Variants in EXT1 observed in about 807,000 individuals in gnomAD.
EXT1 encodes exostosin glycosyltransferase 1.
In EXT1, 20 loss-of-function variants were observed where a neutral mutation model predicts 82.5. The ratio of observed to expected loss-of-function variants is 0.24; its 90% CI spans 0.17 to 0.35. EXT1 has a LOEUF of 0.35. EXT1 is among the 10% of genes least tolerant of loss of function. The pLI is 1.00. For synonymous variants in EXT1, 348 were observed against 350.8 expected, an observed-to-expected ratio of 0.99 and a Z score of 0.09; for missense variants, 757 against 936.5, an observed-to-expected ratio of 0.81 and a Z score of 2.50.
intron 1 of EXT1, among the ~76,000 whole-genome samples, chr8:117,857,120 C>T (rs971403636): frequency 2.0e-5 from 3 of 152,190 alleles, no homozygotes; most frequent in Non-Finnish European, 4.4e-5. Flanking sequence ...AGACCTACGG[C>T]TTAGAAAGAA....
At chr8:117,861,488 CTT>C (rs755653091) in intron 1 of EXT1, among the ~76,000 whole-genome samples, 1,435 of 86,744 alleles carry the variant, frequency 0.017, 14 homozygotes, top group African/African-American at 0.055. Flanking sequence ...AAGTTTTTAT[CTT>C]TTTTTTTTTT....
At chr8:118,051,202 T>C (rs1026119400) in intron 1 of EXT1, among the ~76,000 whole-genome samples, 3 of 151,992 alleles carry the variant, frequency 2.0e-5, no homozygotes, top group Admixed American at 6.5e-5. Flanking sequence ...CAGGGCACGG[T>C]GGCATGCCCC....
chr8:117,842,268 T>G (rs1812285249), intron 1 of EXT1, among the ~76,000 whole-genome samples: 2 of 152,232 alleles, frequency 1.3e-5, no homozygotes, highest in African/African-American at 4.8e-5. Context: ...GTTTCTTGGT[T>G]GGCAAAATGG....
intron 1 of EXT1, among the ~76,000 whole-genome samples, chr8:117,913,254 C>T (rs1813686206): frequency 6.6e-6 from 1 of 152,174 alleles, no homozygotes; most frequent in Non-Finnish European, 1.5e-5. Context: ...CAAGAGAACA[C>T]AATGCATGCC....
At chr8:117,964,233 G>A (rs946542955) in intron 1 of EXT1, among the ~76,000 whole-genome samples, 5 of 152,096 alleles carry the variant, frequency 3.3e-5, no homozygotes, top group Non-Finnish European at 5.9e-5. Flanking sequence ...TCTGGAATTA[G>A]TGGAATTCCA....
chr8:117,855,354 T>C (rs1812523251), intron 1 of EXT1, among the ~76,000 whole-genome samples: 1 of 152,224 alleles, frequency 6.6e-6, no homozygotes, highest in South Asian at 2.1e-4. Flanking sequence ...TCAATTCCTG[T>C]CTCTATCACA....
At chr8:117,956,413 A>G (rs1411832636) in intron 1 of EXT1, among the ~76,000 whole-genome samples, 1 of 152,200 alleles carries the variant, frequency 6.6e-6, no homozygotes, top group African/African-American at 2.4e-5. Flanking sequence ...ATTTCAACAT[A>G]GAGGAAAAGG....
intron 1 of EXT1, among the ~76,000 whole-genome samples, chr8:117,958,480 G>C (rs1563613054): frequency 6.6e-6 from 1 of 152,102 alleles, no homozygotes; most frequent in South Asian, 2.1e-4. Flanking sequence ...GGATAATGAA[G>C]AAACATTGAC....
intron 1 of EXT1, among the ~76,000 whole-genome samples, chr8:117,905,885 C>A (rs1360933789): frequency 1.3e-5 from 2 of 152,148 alleles, no homozygotes; most frequent in East Asian, 3.9e-4. Flanking sequence ...TAATCTCGAA[C>A]GGAGTCAGAA....
chr8:118,089,963 G>A (rs1332768229), intron 1 of EXT1, among the ~76,000 whole-genome samples: 1 of 152,192 alleles, frequency 6.6e-6, no homozygotes, highest in Non-Finnish European at 1.5e-5. Context: ...TCAGACTGGA[G>A]GCAAGGCTTT....
At chr8:118,056,106 T>C (rs1816789953) in intron 1 of EXT1, among the ~76,000 whole-genome samples, 1 of 151,658 alleles carries the variant, frequency 6.6e-6, no homozygotes. Context: ...TATCATAATG[T>C]TTTTTAAAAG....
intron 1 of EXT1, among the ~76,000 whole-genome samples, chr8:118,056,476 T>C (rs1050801180): frequency 1.3e-5 from 2 of 152,166 alleles, no homozygotes; most frequent in Non-Finnish European, 2.9e-5. Flanking sequence ...ACATCCCCCC[T>C]ACCCCGGCTT....
intron 1 of EXT1, among the ~76,000 whole-genome samples, chr8:118,060,320 T>C (rs1271054283): frequency 1.3e-5 from 2 of 152,194 alleles, no homozygotes; most frequent in Non-Finnish European, 2.9e-5. Flanking sequence ...GATTTGGACC[T>C]CCGACTTTTT....
Position 117,796,200 on chromosome 8 carries a change from G to A in EXT1, c.*3512C>T, listed in dbSNP as rs748857219. ...ATACTGGAGATCTCAAGAGACCCAA[G>A]GGAACACAAGACACTTCCAGGTCTG... is the stretch of plus-strand genomic sequence containing the variant. On this transcript the variant is annotated 3_prime_UTR_variant, in exon 11 of 11. Transcript: ENST00000378204. The A allele has an allele frequency of 1.3e-5, 2 of 152,076 alleles. No individual in the cohort carries two copies. Among genetic ancestry groups the A allele is most frequent in the Non-Finnish European group, 2.9e-5 (2 of 68,026 alleles). 9.4% of individuals were successfully genotyped at this position (152,076 alleles called of 1,614,324 possible).
intron 1 of EXT1, among the ~76,000 whole-genome samples, chr8:117,976,603 A>G (rs1005954561): frequency 2.0e-5 from 3 of 152,230 alleles, no homozygotes; most frequent in African/African-American, 7.2e-5. Context: ...CATGAGGGGT[A>G]TTATTGGGTG....
intron 1 of EXT1, among the ~76,000 whole-genome samples, chr8:117,970,570 G>T (rs1227377030): frequency 6.6e-6 from 1 of 152,176 alleles, no homozygotes; most frequent in East Asian, 1.9e-4. Flanking sequence ...CTCCCAAAAT[G>T]CTGGGATTAC....
intron 1 of EXT1, among the ~76,000 whole-genome samples, chr8:118,098,607 A>C (rs1817661201): frequency 6.6e-6 from 1 of 151,970 alleles, no homozygotes; most frequent in Non-Finnish European, 1.5e-5. Context: ...AATACAAAAA[A>C]AATTAGTCGG....
chr8:117,882,980 G>GAAAAAAAAAAAAAAAAGAAAAAAA (rs1813087078), intron 1 of EXT1, among the ~76,000 whole-genome samples: 1 of 65,866 alleles, frequency 1.5e-5, no homozygotes, highest in Non-Finnish European at 3.5e-5. Flanking sequence ...CTGTCTCAAA[G>GAAAAAAAAAAAAAAAAGAAAAAAA]AAAAAAAAAA....
rs143815756 is a variant in EXT1 at position 117,864,705 on chromosome 8, C to T, written c.963-27504G>A. On this transcript the variant is annotated intron_variant, in intron 1 of 10. Coordinates refer to ENST00000378204, the MANE Select transcript of EXT1 (RefSeq NM_000127.3). ...CGGAGCTTGCGGTGAGCGCAGATAG[C>T]GCCACTGCACTCCAGCCTGGGCGAC... Among the ~76,000 whole-genome samples, 1,168 of 148,976 alleles carry T rather than the reference C, an allele frequency of 7.8e-3. 13 individuals carry two copies. The highest frequency in any genetic ancestry group is 0.027 in the African/African-American group (1,099 of 40,390).
Sources: allele counts gnomAD v4.1 joint callset (sites outside exome capture counted in the v4.1 genomes callset), GRCh38; gene constraint gnomAD v4.1.1; transcripts MANE v1.5; gene names NCBI Gene and HGNC (gene_info 2026-07-23, HGNC 2026-07-21).